The following TFEB variants were observed in gnomAD, a reference collection of about 807,000 sequenced individuals.
TFEB encodes transcription factor EB, also known as T-cell transcription factor EB.
A neutral mutation model predicts 48.0 loss-of-function variants in TFEB; 12 were observed. The ratio of observed to expected loss-of-function variants is 0.25; its 90% CI spans 0.16 to 0.40. The LOEUF is 0.40. TFEB is among the 10% of genes least tolerant of loss of function. TFEB has a pLI of 1.00. For synonymous variants in TFEB, 244 were observed against 261.4 expected (o/e 0.93, Z 0.64); for missense variants, 509 against 640.3 (o/e 0.79, Z 2.21).
At chr6:41,686,008 A>G in intron 8 of TFEB, 82 bp downstream of exon 8, 1 of 1,563,500 alleles carries the variant, frequency 6.4e-7, no homozygotes, top group East Asian at 2.3e-5. Flanking sequence ...CTCCAACTTC[A>G]GAAGTACAAG....
At chr6:41,696,966 G>T (rs1188792222) in intron 1 of TFEB, among the ~76,000 whole-genome samples, 2 of 152,176 alleles carry the variant, frequency 1.3e-5, no homozygotes, top group Admixed American at 6.5e-5. Flanking sequence ...ATGGCTTGGT[G>T]GGTAAGAGGA....
intron 1 of TFEB, among the ~76,000 whole-genome samples, chr6:41,727,461 C>T (rs1298142205): frequency 3.3e-5 from 5 of 152,086 alleles, no homozygotes; most frequent in Non-Finnish European, 5.9e-5. Flanking sequence ...GAGGCCGAGG[C>T]GGCTGGATCA....
intron 1 of TFEB, among the ~76,000 whole-genome samples, chr6:41,698,594 T>C (rs1165787767): frequency 6.6e-6 from 1 of 152,180 alleles, no homozygotes; most frequent in African/African-American, 2.4e-5. Flanking sequence ...TTTAAGCCAT[T>C]GATGACGCTC....
Position 41,723,561 on chromosome 6 carries a change from T to A in TFEB, c.-23+11789A>T. 8.0e-7 allele frequency: 1 copy of A among 1,257,326 alleles called. No homozygotes were observed. Among genetic ancestry groups the A allele is most frequent in the Non-Finnish European group, 1.0e-6 (1 of 974,316 alleles). The allele number at this position is 1,257,326 out of a possible 1,614,324, so 77.9% of individuals were successfully genotyped here. On this transcript the variant is annotated intron_variant, in intron 1 of 8. Transcript: ENST00000373033. The surrounding 1 kb of genome is among the most constrained non-coding windows in gnomAD (Gnocchi z 6.0). The stretch of plus-strand genomic sequence containing the variant: ...CCCCAGCCCCAGGGCCGGGCTCAGT[T>A]TCCTCATTTCCCCGGCGGCTGCTGT...
At position 41,691,322 on chromosome 6, in the gene TFEB, G is replaced by A. The variant is rs771716861; in HGVS notation, c.-22-87C>T. Reference sequence around the variant, plus strand: ...GGCAGGGGGAGGCCAGAATGACTGGGACCGCATCCATTTTAGAGGAGAAGA... The same window carrying A: ...GGCAGGGGGAGGCCAGAATGACTGGAACCGCATCCATTTTAGAGGAGAAGA... On this transcript the variant is annotated intron_variant, in intron 1 of 8. Transcript: ENST00000373033. The surrounding 1 kb of genome is among the most constrained non-coding windows in gnomAD (Gnocchi z 5.2). 8 of 1,321,440 alleles carry A rather than the reference G, an allele frequency of 6.1e-6. No individual in the cohort carries two copies. The highest frequency in any genetic ancestry group is 8.5e-6 in the Non-Finnish European group (8 of 938,106). 81.9% of individuals were successfully genotyped at this position (1,321,440 alleles called of 1,614,324 possible). A position where few individuals can be genotyped will look rare whatever the true frequency, so the allele number is the denominator to read the frequency against.
chr6:41,698,840 C>T lies in TFEB; in HGVS notation c.-22-7605G>A, dbSNP rs144465821. Among the ~76,000 whole-genome samples the T allele has an allele frequency of 2.0e-3, 303 of 152,324 alleles. 1 individual carries two copies. The highest frequency in any genetic ancestry group is 7.1e-3 in the African/African-American group (294 of 41,572). ...AACTTGGGATTTTTCTCAGCCCCCT[C>T]TGGCAGAGGAGGCAGCAGAGGAAGT... On this transcript the variant is annotated intron_variant, in intron 1 of 8. Transcript: ENST00000373033.
At chr6:41,703,145 C>T (rs1020076379) in intron 1 of TFEB, among the ~76,000 whole-genome samples, 6 of 152,220 alleles carry the variant, frequency 3.9e-5, no homozygotes, top group Admixed American at 3.9e-4. Context: ...GAAAAGAATC[C>T]ACACTCCAGC....
chr6:41,721,716 C>T (rs1770991739), intron 1 of TFEB, among the ~76,000 whole-genome samples: 1 of 152,226 alleles, frequency 6.6e-6, no homozygotes, highest in African/African-American at 2.4e-5. Context: ...TTATTTCATC[C>T]TCACCATCAC....
chr6:41,686,247 C>T lies in TFEB; in HGVS notation c.804-10G>A, dbSNP rs1768995516. The T allele has an allele frequency of 3.1e-6, 5 of 1,613,460 alleles. No individual in the cohort carries two copies. The highest frequency in any genetic ancestry group is 1.7e-5 in the Admixed American group (1 of 60,000). On this transcript the variant is annotated splice_polypyrimidine_tract_variant and intron_variant, in intron 7 of 8. Transcript: ENST00000373033. ...GTTCCAGCGCACGTCCCTGCAGCAGCAGGCCAGGCAAATTAGAGGTGCATG... is the reference window on the plus strand; with the variant it reads ...GTTCCAGCGCACGTCCCTGCAGCAGTAGGCCAGGCAAATTAGAGGTGCATG...
intron 1 of TFEB, among the ~76,000 whole-genome samples, chr6:41,713,645 A>C (rs936731903): frequency 6.6e-5 from 10 of 152,276 alleles, no homozygotes; most frequent in African/African-American, 2.4e-4. Context: ...GCAGCAGGGA[A>C]AGGCAGACAG....
In TFEB at chr6:41,734,456, A is replaced by T; in HGVS notation, c.-23+894T>A. On this transcript the variant is annotated intron_variant, in intron 1 of 8. Coordinates refer to ENST00000373033, the MANE Select transcript of TFEB (RefSeq NM_001271944.2). The surrounding 1 kb of genome is among the most constrained non-coding windows in gnomAD (Gnocchi z 4.0). ...TGGCATCTGCCCGCTCCCTTCCAGG[A>T]GGCGAGCGGACGCGCTGGGCCAGAG... 1.1e-6 allele frequency: 1 copy of T among 878,506 alleles called. No homozygotes were observed. Among genetic ancestry groups the T allele is most frequent in the Non-Finnish European group, 1.4e-6 (1 of 740,634 alleles). The allele number at this position is 878,506 out of a possible 1,614,324, so 54.4% of individuals were successfully genotyped here.
chr6:41,717,144 T>C (rs184534175), intron 1 of TFEB, among the ~76,000 whole-genome samples: 64 of 152,190 alleles, frequency 4.2e-4, no homozygotes, highest in African/African-American at 1.5e-3. Flanking sequence ...AGCTCGAAAA[T>C]CGTGCTTCAT....
intron 1 of TFEB, among the ~76,000 whole-genome samples, chr6:41,706,410 A>C (rs1042358051): frequency 5.9e-5 from 9 of 152,184 alleles, no homozygotes; most frequent in Admixed American, 5.9e-4. Context: ...CAGTGCTGGC[A>C]GAGGCCACTA....
At chr6:41,685,726 G>A (rs1411380251) in intron 8 of TFEB, among the ~76,000 whole-genome samples, 2 of 152,206 alleles carry the variant, frequency 1.3e-5, no homozygotes, top group African/African-American at 4.8e-5. Flanking sequence ...TGCCTCTTGA[G>A]GTTAGAGTAC....
intron 7 of TFEB, chr6:41,686,824 A>G: frequency 1.9e-6 from 1 of 515,210 alleles, no homozygotes; most frequent in Non-Finnish European, 3.5e-6. Flanking sequence ...CTGCCAGCCC[A>G]ATGGCCTTAA....
rs2273068 is a variant in TFEB, at chr6:41,690,828, C to G, written c.303G>C (p.Gly101=). Residue 101 remains glycine, a synonymous_variant, in exon 3 of 9, where the codon GGG becomes GGC. Coordinates refer to ENST00000373033, the MANE Select transcript of TFEB (RefSeq NM_001271944.2). ...GGCTGATGTGGGCAGCAAACTTGTTCCCATAGGTCTCGGACAGGTACTCCC... is the reference window on the plus strand; with the variant it reads ...GGCTGATGTGGGCAGCAAACTTGTTGCCATAGGTCTCGGACAGGTACTCCC... ...KVREYLSETY[G]NKFAAHISPA... is the part of the protein sequence containing the mutation. The G allele has an allele frequency of 1.2e-6, 2 of 1,612,982 alleles. No homozygotes were observed. Among genetic ancestry groups the G allele is most frequent in the Non-Finnish European group, 1.7e-6 (2 of 1,179,424 alleles).
chr6:41,705,242 C>T (rs923840234), intron 1 of TFEB, among the ~76,000 whole-genome samples: 2 of 152,092 alleles, frequency 1.3e-5, no homozygotes, highest in Non-Finnish European at 2.9e-5. Flanking sequence ...CCACTCTCTC[C>T]TCCACACGGC....
chr6:41,735,018 C>T (rs13198625), intron 1 of TFEB: 1 of 985,416 alleles, frequency 1.0e-6, no homozygotes, highest in Non-Finnish European at 1.2e-6. Flanking sequence ...CCCGCCCCTT[C>T]GACTCCCAGC....
chr6:41,697,441 C>A (rs186268537), intron 1 of TFEB, among the ~76,000 whole-genome samples: 2 of 113,820 alleles, frequency 1.8e-5, no homozygotes, highest in Non-Finnish European at 3.6e-5. Context: ...TGAGGGCAGA[C>A]GTTAAATAGT....
Sources: allele counts gnomAD v4.1 joint callset (sites outside exome capture counted in the v4.1 genomes callset), GRCh38; gene constraint gnomAD v4.1.1; non-coding constraint Gnocchi (gnomAD v3.1); transcripts MANE v1.5; gene names NCBI Gene and HGNC (gene_info 2026-07-23, HGNC 2026-07-21).